FAM47E: variants seen among roughly 807,000 people sequenced by gnomAD.
FAM47E encodes family with sequence similarity 47 member E.
A neutral mutation model predicts 41.6 loss-of-function variants in FAM47E; 32 were observed. That is an observed-to-expected ratio of 0.77 (90% CI 0.58 to 1.03). FAM47E has a LOEUF of 1.03. FAM47E is among the 50% of genes least tolerant of loss of function. The probability of loss-of-function intolerance (pLI) is 0.00; values close to 1 mark genes in which losing one functional copy is unlikely to be tolerated. For missense variants in FAM47E, 424 were observed against 485.4 expected, an observed-to-expected ratio of 0.87 and a Z score of 1.19; for synonymous variants, 184 against 188.7, an observed-to-expected ratio of 0.98 and a Z score of 0.20.
intron 5 of FAM47E, among the ~76,000 whole-genome samples, chr4:76,276,069 C>CACACACACACA (rs869240236): frequency 2.7e-5 from 4 of 149,782 alleles, no homozygotes; most frequent in South Asian, 4.2e-4. Context: ...CACACACACA[C>CACACACACACA]CCCTCCCCTA....
chr4:76,280,045 T>C (rs1181008629), intron 6 of FAM47E: 2 of 395,740 alleles, frequency 5.1e-6, no homozygotes, highest in Non-Finnish European at 9.1e-6. Context: ...ATCCTTAATA[T>C]GGGGATAAGG....
chr4:76,223,443 G>A (rs1246614303), intron 2 of FAM47E, among the ~76,000 whole-genome samples: 3 of 152,194 alleles, frequency 2.0e-5, no homozygotes, highest in Non-Finnish European at 2.9e-5. Context: ...ACTGTGAGAA[G>A]ACAGCAGAAT....
chr4:76,267,705 T>C (rs1734699648), intron 3 of FAM47E: 1 of 152,136 alleles, frequency 6.6e-6, no homozygotes, highest in South Asian at 2.1e-4. Context: ...GTATTGGCCA[T>C]AAAAAGGAAT....
At chr4:76,267,714 A>G (rs936631583) in intron 3 of FAM47E, 7 of 152,240 alleles carry the variant, frequency 4.6e-5, no homozygotes, top group Non-Finnish European at 7.3e-5. Flanking sequence ...ATAAAAAGGA[A>G]TAAACTACTA....
rs750919121 is a variant in FAM47E, at chr4:76,216,077, A to G, written c.-29-1502A>G. On this transcript the variant is annotated intron_variant, in intron 1 of 7. Transcript: ENST00000510197. ...ACCTGGTGGGGTCCTGAATGATTCA[A>G]CTGTCCCCAGCCTGATGGGTGGGTG... is the stretch of plus-strand genomic sequence containing the variant. Among the ~76,000 whole-genome samples the G allele has an allele frequency of 3.3e-5, 5 of 151,992 alleles. No homozygotes were observed. In the South Asian group the frequency reaches 8.3e-4, roughly 25 times the overall value.
At chr4:76,233,184 G>A (rs1230966495) in intron 2 of FAM47E, among the ~76,000 whole-genome samples, 1 of 152,030 alleles carries the variant, frequency 6.6e-6, no homozygotes, top group Non-Finnish European at 1.5e-5. Flanking sequence ...AATTTTTAAC[G>A]TTAATTTAAA....
At position 76,278,124 on chromosome 4, in the gene FAM47E, C is replaced by T. The variant is rs1040979719; in HGVS notation, c.926C>T (p.Pro309Leu). The T allele has an allele frequency of 2.6e-5, 40 of 1,550,700 alleles. No homozygotes were observed. Among genetic ancestry groups the T allele is most frequent in the Middle Eastern group, 3.3e-4 (2 of 6,010 alleles). ...AGGTATGGAGCATGGTATTTGAACC[C>T]CAAGTTGTGGAAAAAGCAAAGAGTA... ...KMRYGAWYLN[P>L]KLWKKQRVDE... Residue 309 changes from proline (P) to leucine (L), a missense_variant, in exon 6 of 8, where the codon CCC becomes CTC. Pro to Leu is a moderately conservative substitution (Grantham distance 98). Coordinates refer to ENST00000424749, the MANE Select transcript of FAM47E (RefSeq NM_001136570.3).
At chr4:76,235,537 A>G (rs1487787573) in intron 2 of FAM47E, among the ~76,000 whole-genome samples, 1 of 151,976 alleles carries the variant, frequency 6.6e-6, no homozygotes, top group Non-Finnish European at 1.5e-5. Context: ...TTTACATTTG[A>G]AAAAAAACCT....
At chr4:76,267,497 T>C (rs947792440) in intron 3 of FAM47E, 1 of 152,246 alleles carries the variant, frequency 6.6e-6, no homozygotes, top group Non-Finnish European at 1.5e-5. Context: ...AGCCAGGCCA[T>C]GCAGAGCCCT....
chr4:76,276,355 CTTT>C (rs1560752583), intron 5 of FAM47E, among the ~76,000 whole-genome samples: 3 of 97,880 alleles, frequency 3.1e-5, no homozygotes, highest in Admixed American at 1.1e-4. Context: ...GAGGGGGTTA[CTTT>C]TTTTTGTTTG....
intron 2 of FAM47E, among the ~76,000 whole-genome samples, chr4:76,230,997 C>T (rs1733483888): frequency 6.6e-6 from 1 of 152,116 alleles, no homozygotes. Flanking sequence ...GTTTTCTTTC[C>T]TAGGGCTTTG....
upstream of FAM47E, among the ~76,000 whole-genome samples, chr4:76,250,972 A>C (rs1266852233): frequency 6.6e-6 from 1 of 152,210 alleles, no homozygotes; most frequent in Non-Finnish European, 1.5e-5. Context: ...TTTTCAGGCC[A>C]GGTAATTAAT....
At chr4:76,220,146 T>C (rs1300155641) in intron 2 of FAM47E, among the ~76,000 whole-genome samples, 1 of 152,130 alleles carries the variant, frequency 6.6e-6, no homozygotes, top group African/African-American at 2.4e-5. Flanking sequence ...ACCTAGCAAC[T>C]CTCTTCCTAG....
chr4:76,266,664 AGTC>A (rs1734648335), intron 3 of FAM47E, among the ~76,000 whole-genome samples: 1 of 152,194 alleles, frequency 6.6e-6, no homozygotes, highest in African/African-American at 2.4e-5. Context: ...ATGTAAGTCA[AGTC>A]GTGTCATTCC....
chr4:76,261,293 T>C (rs2110010350), intron 2 of FAM47E, among the ~76,000 whole-genome samples: 1 of 152,314 alleles, frequency 6.6e-6, no homozygotes, highest in South Asian at 2.1e-4. Flanking sequence ...AAAATAGAAC[T>C]GCCATTCAAC....
intron 2 of FAM47E, among the ~76,000 whole-genome samples, chr4:76,257,410 C>G (rs1486986511): frequency 6.6e-6 from 1 of 152,134 alleles, no homozygotes; most frequent in Admixed American, 6.5e-5. Context: ...GTATTCTACA[C>G]AGAGAGCGAG....
At chr4:76,218,458 C>A (rs1733252637) in intron 2 of FAM47E, among the ~76,000 whole-genome samples, 1 of 152,200 alleles carries the variant, frequency 6.6e-6, no homozygotes, top group Admixed American at 6.5e-5. Context: ...CTGTGCCAGG[C>A]CACAGGGACT....
chr4:76,258,827 G>A (rs1278204945), intron 2 of FAM47E, among the ~76,000 whole-genome samples: 1 of 152,204 alleles, frequency 6.6e-6, no homozygotes, highest in East Asian at 1.9e-4. Flanking sequence ...TTGCATCGTG[G>A]TAGGTGGACC....
chr4:76,282,919 A>G (rs2110032585), intron 7 of FAM47E: 1 of 155,160 alleles, frequency 6.4e-6, no homozygotes, highest in Admixed American at 6.3e-5. Flanking sequence ...ATACACAGTT[A>G]TTATTTACTT....
Sources: allele counts gnomAD v4.1 joint callset (sites outside exome capture counted in the v4.1 genomes callset), GRCh38; gene constraint gnomAD v4.1.1; transcripts MANE v1.5; gene names NCBI Gene and HGNC (gene_info 2026-07-23, HGNC 2026-07-21).